SNAPC3: variants seen among roughly 807,000 people sequenced by gnomAD.
The protein encoded by SNAPC3 is small nuclear RNA activating complex polypeptide 3.
A neutral mutation model predicts 47.7 loss-of-function variants in SNAPC3; 56 were observed. The ratio of observed to expected loss-of-function variants is 1.18; its 90% CI spans 0.95 to 1.47. The LOEUF (loss-of-function observed/expected upper bound fraction) is 1.47. Ranked by LOEUF, SNAPC3 falls within the 40% of genes most tolerant of loss-of-function variation. The pLI is 0.00. For synonymous variants in SNAPC3, 235 were observed against 189.9 expected (o/e 1.24, Z -1.95); for missense variants, 665 against 511.3 (o/e 1.30, Z -2.90).
At chr9:15,443,734 A>G (rs931484863) in intron 3 of SNAPC3, among the ~76,000 whole-genome samples, 2 of 152,154 alleles carry the variant, frequency 1.3e-5, no homozygotes, top group African/African-American at 2.4e-5. Flanking sequence ...CTCAGTTCTT[A>G]GAGAACAGGT....
At position 15,444,542 on chromosome 9, in the gene SNAPC3, C is replaced by T. The variant is rs2033770609; in HGVS notation, c.478-60C>T. 5 of 1,070,576 alleles carry T rather than the reference C, an allele frequency of 4.7e-6. No individual in the cohort carries two copies. The African/African-American group carries it at 6.3e-5, about 13-fold the overall frequency. 66.3% of individuals were successfully genotyped at this position (1,070,576 alleles called of 1,614,324 possible). A position where few individuals can be genotyped will look rare whatever the true frequency, so the allele number is the denominator to read the frequency against. On this transcript the variant is annotated intron_variant, in intron 3 of 8. Transcript: ENST00000380821. The stretch of plus-strand genomic sequence containing the variant: ...GATCCCTTGCTGATAGCCATTGTAC[C>T]ACACTGCATCTTATCTGAGTTATAG...
intron 5 of SNAPC3, among the ~76,000 whole-genome samples, chr9:15,449,535 T>TTATATA (rs538667627): frequency 4.6e-4 from 21 of 45,764 alleles, no homozygotes; most frequent in African/African-American, 9.5e-4. Context: ...TCTATTATTA[T>TTATATA]TATATATATA....
downstream of SNAPC3, chr9:15,463,672 C>T (rs925155467): frequency 6.6e-6 from 1 of 151,300 alleles, no homozygotes; most frequent in Admixed American, 6.6e-5. Flanking sequence ...GAGAAGTTAT[C>T]TGTAAATCAG....
At chr9:15,442,691 G>A (rs539241666) in intron 3 of SNAPC3, among the ~76,000 whole-genome samples, 11 of 152,088 alleles carry the variant, frequency 7.2e-5, no homozygotes, top group Admixed American at 3.3e-4. Flanking sequence ...CCCAGACTGG[G>A]CAGCCAGGCA....
chr9:15,428,529 A>C (rs2031748058), intron 2 of SNAPC3, among the ~76,000 whole-genome samples: 1 of 151,962 alleles, frequency 6.6e-6, no homozygotes. Flanking sequence ...AAAAAGAGAA[A>C]GCCTATAAGT....
intron 4 of SNAPC3, among the ~76,000 whole-genome samples, chr9:15,445,509 T>C (rs2033856994): frequency 6.6e-6 from 1 of 152,226 alleles, no homozygotes; most frequent in Admixed American, 6.5e-5. Context: ...AGAGTGTATA[T>C]ATTCTTGATT....
chr9:15,429,751 G>A (rs2031898879), intron 2 of SNAPC3, among the ~76,000 whole-genome samples: 1 of 152,244 alleles, frequency 6.6e-6, no homozygotes, highest in East Asian at 1.9e-4. Flanking sequence ...AGAAAATATT[G>A]TGATAGAGTT....
intron 3 of SNAPC3, 43 bp from the exon 4 acceptor site, chr9:15,444,559 G>T: frequency 8.0e-7 from 1 of 1,252,550 alleles, no homozygotes; most frequent in South Asian, 1.2e-5. Flanking sequence ...CATCTTATCT[G>T]AGTTATAGTA....
intron 3 of SNAPC3, among the ~76,000 whole-genome samples, chr9:15,437,601 C>G (rs944265448): frequency 1.3e-5 from 2 of 148,886 alleles, no homozygotes; most frequent in Non-Finnish European, 3.0e-5. Flanking sequence ...TTTTCTGTGT[C>G]AGTCGAGGTA....
chr9:15,434,453 G>A (rs1250962706), intron 3 of SNAPC3, among the ~76,000 whole-genome samples: 1 of 150,558 alleles, frequency 6.6e-6, no homozygotes, highest in Non-Finnish European at 1.5e-5. Flanking sequence ...TGTCGCCCAG[G>A]CTGGAGTGCA....
At position 15,460,939 on chromosome 9, in the gene SNAPC3, G is replaced by C. The variant is rs531512558; in HGVS notation, c.*1073G>C. The C allele has an allele frequency of 6.6e-6, 1 of 151,960 alleles. No homozygotes were observed. Among genetic ancestry groups the C allele is most frequent in the African/African-American group, 2.4e-5 (1 of 41,390 alleles). The allele number at this position is 151,960 out of a possible 1,614,324, so 9.4% of individuals were successfully genotyped here. On this transcript the variant is annotated 3_prime_UTR_variant, in exon 9 of 9. Coordinates refer to ENST00000380821, the MANE Select transcript of SNAPC3 (RefSeq NM_001039697.2). ...GATTTAAAAAACAATAGCAGATTTC[G>C]TATGACTGTGGGGACATGGAAAAAT...
intron 3 of SNAPC3, among the ~76,000 whole-genome samples, chr9:15,440,518 G>C (rs1264180008): frequency 6.6e-6 from 1 of 151,946 alleles, no homozygotes; most frequent in African/African-American, 2.4e-5. Context: ...ACCCAAAAAA[G>C]AAAAACAAAA....
In SNAPC3 at chr9:15,425,427, C is replaced by T. The variant is rs535453377; in HGVS notation, c.392+1441C>T. 3.3e-5 allele frequency among the ~76,000 whole-genome samples: 5 copies of T among 152,244 alleles called. No homozygotes were observed. In the South Asian group the frequency reaches 1.0e-3, roughly 32 times the overall value. ...TAGAGACGGGTTTCACCATGTTGGC[C>T]AGGCTGGTTTCAACTCCTGACCTCA... On this transcript the variant is annotated intron_variant, in intron 2 of 8. Transcript: ENST00000380821.
intron 3 of SNAPC3, among the ~76,000 whole-genome samples, chr9:15,434,868 G>A (rs1052018971): frequency 6.6e-6 from 1 of 151,950 alleles, no homozygotes; most frequent in Non-Finnish European, 1.5e-5. Context: ...TTATCTTTTG[G>A]CTATTGCGAA....
intron 2 of SNAPC3, 53 bp downstream of exon 2, chr9:15,424,039 T>C (rs1048049056): frequency 2.7e-6 from 3 of 1,093,638 alleles, no homozygotes; most frequent in African/African-American, 3.2e-5. Flanking sequence ...TTTTCAACAT[T>C]ATGTTTTGAA....
chr9:15,444,014 A>G (rs2033728597), intron 3 of SNAPC3, among the ~76,000 whole-genome samples: 1 of 152,146 alleles, frequency 6.6e-6, no homozygotes, highest in Admixed American at 6.5e-5. Flanking sequence ...TGCCTACTCT[A>G]TTTTGTGACA....
At chr9:15,459,609 G>T in intron 8 of SNAPC3, 110 bp from the exon 9 acceptor site, 1 of 826,960 alleles carries the variant, frequency 1.2e-6, no homozygotes, top group Non-Finnish European at 1.9e-6. Flanking sequence ...ATTAATAACA[G>T]ACTGATAAGG....
rs377458970 is a variant in SNAPC3, at chr9:15,427,913, G to C, written c.392+3927G>C. ...AGTGCTTGAGGTCAGGAGTTCAACAGCAGCTTGGCCAATATGGTGAAACCC... is the reference window on the plus strand; with the variant it reads ...AGTGCTTGAGGTCAGGAGTTCAACACCAGCTTGGCCAATATGGTGAAACCC... On this transcript the variant is annotated intron_variant, in intron 2 of 8. Transcript: ENST00000380821. Among the ~76,000 whole-genome samples the C allele has an allele frequency of 3.9e-5, 6 of 152,030 alleles. No homozygotes were observed. In the East Asian group the frequency reaches 9.7e-4, roughly 25 times the overall value.
At chr9:15,432,408 A>T (rs2032277222) in intron 2 of SNAPC3, among the ~76,000 whole-genome samples, 1 of 152,196 alleles carries the variant, frequency 6.6e-6, no homozygotes, top group African/African-American at 2.4e-5. Flanking sequence ...CTGGTCTCTA[A>T]ACACCTTTTT....
Sources: allele counts gnomAD v4.1 joint callset (sites outside exome capture counted in the v4.1 genomes callset), GRCh38; gene constraint gnomAD v4.1.1; transcripts MANE v1.5; gene names NCBI Gene and HGNC (gene_info 2026-07-23, HGNC 2026-07-21).